LMO7: variants seen among roughly 807,000 people sequenced by gnomAD.
LMO7 encodes the protein LIM domain 7.
Under a neutral mutation model 206.5 loss-of-function variants are expected in LMO7, and 120 were observed. That is an observed-to-expected ratio of 0.58 (90% CI 0.50 to 0.68). The LOEUF (loss-of-function observed/expected upper bound fraction) is 0.68, where lower values mean the gene tolerates loss of function less well. Among genes scored for constraint, LMO7 ranks in the 30% least tolerant of loss-of-function variants. The probability of loss-of-function intolerance (pLI) is 0.00; values close to 1 mark genes in which losing one functional copy is unlikely to be tolerated. For missense variants in LMO7, 1,959 were observed against 1,957.9 expected, an observed-to-expected ratio of 1.00 and a Z score of -0.01; for synonymous variants, 706 against 681.5, an observed-to-expected ratio of 1.04 and a Z score of -0.56.
chr13:75,747,945 G>C (rs757851472), intron 3 of LMO7, among the ~76,000 whole-genome samples: 1 of 152,076 alleles, frequency 6.6e-6, no homozygotes, highest in Non-Finnish European at 1.5e-5. Context: ...TCATGTATAG[G>C]GACCAACTAG....
intron 4 of LMO7, among the ~76,000 whole-genome samples, chr13:75,775,971 T>TAAAGGG (rs2050315926): frequency 6.6e-6 from 1 of 150,728 alleles, no homozygotes; most frequent in Non-Finnish European, 1.5e-5. Context: ...AGTATCTACC[T>TAAAGGG]AAAGGGAAAG....
rs1445533311 is a variant in LMO7, at chr13:75,853,102, T to G, written c.4375T>G (p.Leu1459Val). 1 of 1,598,140 alleles carries G rather than the reference T, an allele frequency of 6.3e-7. No homozygotes were observed. The highest frequency in any genetic ancestry group is 1.3e-5 in the African/African-American group (1 of 74,346). ...TTTTTTGTGTTTCAGAGGCGAATCTTTAGATAACCTGGACTCCCCCCGATC... is the reference window on the plus strand; with the variant it reads ...TTTTTTGTGTTTCAGAGGCGAATCTGTAGATAACCTGGACTCCCCCCGATC... ...LPGIMRRGES[L>V]DNLDSPRSNS... is the part of the protein sequence containing the mutation. Residue 1459 changes from leucine (L) to valine (V), a missense_variant, in exon 28 of 31, where the codon TTA becomes GTA. Leu to Val is a conservative substitution (Grantham distance 32). Transcript: ENST00000377534.
chr13:75,796,055 A>C (rs1441722687), intron 5 of LMO7, among the ~76,000 whole-genome samples: 6 of 152,256 alleles, frequency 3.9e-5, no homozygotes, highest in Non-Finnish European at 1.5e-5. Context: ...TGTGTTAGCA[A>C]TACGCTAAAG....
At chr13:75,782,791 TCTC>T (rs1394499327) in intron 4 of LMO7, among the ~76,000 whole-genome samples, 3 of 152,140 alleles carry the variant, frequency 2.0e-5, no homozygotes, top group Non-Finnish European at 4.4e-5. Context: ...CACAATCCCT[TCTC>T]CTCTACAACA....
intron 1 of LMO7, chr13:75,688,540 G>T (rs2041203665): frequency 6.6e-6 from 1 of 152,306 alleles, no homozygotes; most frequent in African/African-American, 2.4e-5. Context: ...TATTGAAGAA[G>T]GCTGGCCAAG....
At chr13:75,783,681 TC>T (rs1738110749) in intron 4 of LMO7, among the ~76,000 whole-genome samples, 2 of 152,318 alleles carry the variant, frequency 1.3e-5, no homozygotes, top group South Asian at 4.2e-4. Context: ...AATGAGTTTT[TC>T]TTCCAAGGTG....
intron 3 of LMO7, chr13:75,760,397 A>G: frequency 9.3e-7 from 1 of 1,075,632 alleles, no homozygotes; most frequent in Non-Finnish European, 1.1e-6. Context: ...CTGCCTGTCA[A>G]GAGCCAGCTC....
chr13:75,835,227 T>C lies in LMO7; in HGVS notation c.3227-6T>C. 1 of 1,612,384 alleles carries C rather than the reference T, an allele frequency of 6.2e-7. No individual in the cohort carries two copies. Among genetic ancestry groups the C allele is most frequent in the Non-Finnish European group, 8.5e-7 (1 of 1,179,202 alleles). ...AATCTCACCAGTATGGCTACCAAAA[T>C]TATAGGTTCACCTGAAACAAAGTGG... is the stretch of plus-strand genomic sequence containing the variant. On this transcript the variant is annotated splice_region_variant and splice_polypyrimidine_tract_variant and intron_variant, in intron 17 of 30. Coordinates refer to ENST00000377534, the MANE Select transcript of LMO7 (RefSeq NM_001306080.2).
At chr13:75,842,052 T>C in intron 24 of LMO7, 69 bp downstream of exon 24, 1 of 1,161,738 alleles carries the variant, frequency 8.6e-7, no homozygotes. Context: ...GGCACCCGCT[T>C]GCTCTTCCTG....
intron 10 of LMO7, 36 bp downstream of exon 10, chr13:75,808,235 T>C: frequency 6.4e-7 from 1 of 1,557,804 alleles, no homozygotes; most frequent in Non-Finnish European, 8.7e-7. Context: ...TTGCTTGTAA[T>C]GGATGGTCTT....
chr13:75,751,427 A>T (rs1214251172), intron 3 of LMO7, among the ~76,000 whole-genome samples: 5 of 151,946 alleles, frequency 3.3e-5, no homozygotes, highest in African/African-American at 4.8e-5. Flanking sequence ...CCCAAAGTGC[A>T]GGGATTACAG....
At position 75,829,675 on chromosome 13, in the gene LMO7, C is replaced by T. The variant is rs57589783; in HGVS notation, c.2950-3376C>T. ...AAAAAATTCGAGGAGTGTAGCTTTT[C>T]GATTTCGTGTTTAATATTGGCCCTG... On this transcript the variant is annotated intron_variant, in intron 15 of 30. Transcript: ENST00000377534. 3.4e-5 allele frequency among the ~76,000 whole-genome samples: 5 copies of T among 146,554 alleles called. No individual in the cohort carries two copies. In the Admixed American group the frequency reaches 3.5e-4, roughly 10 times the overall value.
At chr13:75,820,108 A>G (rs2138344385) in intron 13 of LMO7, among the ~76,000 whole-genome samples, 2 of 152,350 alleles carry the variant, frequency 1.3e-5, no homozygotes, top group Non-Finnish European at 2.9e-5. Flanking sequence ...ATCAAGGAGA[A>G]GGAAAATACG....
chr13:75,760,861 A>G (rs777939504), intron 3 of LMO7, 71 bp from the exon 4 acceptor site: 2 of 1,592,286 alleles, frequency 1.3e-6, no homozygotes, highest in Non-Finnish European at 1.7e-6. Context: ...TCGAAGTTAT[A>G]TCATAAAAAT....
intron 1 of LMO7, among the ~76,000 whole-genome samples, chr13:75,681,718 G>GTATATATATATA (rs71127572): frequency 0.023 from 2,364 of 103,774 alleles, 108 homozygotes; most frequent in Middle Eastern, 0.057. Context: ...ATATATATAT[G>GTATATATATATA]TATATATATA....
upstream of LMO7, among the ~76,000 whole-genome samples, chr13:75,633,430 T>C (rs950326790): frequency 6.6e-6 from 1 of 152,128 alleles, no homozygotes; most frequent in African/African-American, 2.4e-5. Flanking sequence ...ATCACCCCAG[T>C]ACGGAAGAAT....
chr13:75,648,121 A>T (rs145022176), intron 1 of LMO7, among the ~76,000 whole-genome samples: 1 of 150,602 alleles, frequency 6.6e-6, no homozygotes, highest in African/African-American at 2.4e-5. Flanking sequence ...AATTTTTAAA[A>T]TTTTTTTGTA....
intron 1 of LMO7, among the ~76,000 whole-genome samples, chr13:75,659,354 A>T (rs1198655406): frequency 8.5e-5 from 13 of 152,248 alleles, no homozygotes; most frequent in Admixed American, 8.5e-4. Flanking sequence ...ATGTTATCAT[A>T]TTAAGCTACT....
intron 4 of LMO7, among the ~76,000 whole-genome samples, chr13:75,783,351 C>A (rs901400471): frequency 6.6e-6 from 1 of 152,054 alleles, no homozygotes; most frequent in Non-Finnish European, 1.5e-5. Context: ...CACAGAGTCT[C>A]GCTCTGTTGC....
Sources: gnomAD v4.1 joint callset for allele counts (sites outside exome capture counted in the v4.1 genomes callset) on GRCh38, gnomAD v4.1.1 for gene constraint, MANE v1.5 for transcripts, NCBI Gene and HGNC (gene_info 2026-07-23, HGNC 2026-07-21) for gene names.